The following ADGRB1 variants were observed in gnomAD, a reference collection of about 807,000 sequenced individuals.
The protein encoded by ADGRB1 is adhesion G protein-coupled receptor B1, also known as brain-specific angiogenesis inhibitor 1.
ADGRB1 carries 36 observed loss-of-function variants against 175.7 expected under a neutral mutation model. The observed-to-expected ratio is 0.20, with a 90% CI of 0.16 to 0.27. ADGRB1 has a LOEUF of 0.27. Ranked by LOEUF, ADGRB1 falls within the 10% of genes least tolerant of loss-of-function variation. The probability of loss-of-function intolerance (pLI) is 1.00; values close to 1 mark genes in which losing one functional copy is unlikely to be tolerated. For missense variants in ADGRB1, 1,731 were observed against 2,255.3 expected (o/e 0.77, Z 4.71); for synonymous variants, 1,054 against 979.4 (o/e 1.08, Z -1.42).
intron 2 of ADGRB1, among the ~76,000 whole-genome samples, chr8:142,469,266 T>C (rs1033933680): frequency 3.3e-5 from 5 of 149,864 alleles, no homozygotes; most frequent in African/African-American, 4.9e-5. Flanking sequence ...TGAATGTGTG[T>C]GCACGTGCAG....
At chr8:142,490,746 C>A in intron 16 of ADGRB1, 26 bp from the exon 17 acceptor site, 1 of 1,565,210 alleles carries the variant, frequency 6.4e-7, no homozygotes, top group Non-Finnish European at 8.7e-7. Flanking sequence ...TGCCAGGGGC[C>A]CTGACTCCTC....
intron 11 of ADGRB1, among the ~76,000 whole-genome samples, chr8:142,483,187 G>C (rs1347697265): frequency 1.8e-4 from 26 of 145,332 alleles, no homozygotes; most frequent in Admixed American, 1.8e-3. Context: ...GTCACACTGA[G>C]CCCTGACCCT....
chr8:142,536,709 G>A lies in ADGRB1; in HGVS notation c.3571-278G>A, dbSNP rs534501487. 2.6e-5 allele frequency among the ~76,000 whole-genome samples: 4 copies of A among 152,172 alleles called. No homozygotes were observed. The South Asian group carries it at 8.3e-4, about 32-fold the overall frequency. On this transcript the variant is annotated intron_variant, in intron 25 of 30. Transcript: ENST00000517894. ...GGTTCTCGCAGGCGGACTCTGGCCC[G>A]AGGGCCTGCAGCAGCTCTCGGTGGC...
chr8:142,535,705 G>A (rs1220852683), intron 25 of ADGRB1, among the ~76,000 whole-genome samples: 2 of 152,180 alleles, frequency 1.3e-5, no homozygotes, highest in Non-Finnish European at 2.9e-5. Context: ...GGTGTTCCTG[G>A]AGAGGGTACC....
chr8:142,532,474 G>T (rs1844679487), intron 24 of ADGRB1, among the ~76,000 whole-genome samples: 1 of 152,104 alleles, frequency 6.6e-6, no homozygotes, highest in Admixed American at 6.5e-5. Flanking sequence ...GGAGGGGGTG[G>T]CACTGAGCGG....
intron 24 of ADGRB1, 145 bp from the exon 25 acceptor site, chr8:142,533,150 G>T (rs1844722485): frequency 5.4e-6 from 5 of 919,594 alleles, no homozygotes; most frequent in Non-Finnish European, 6.3e-6. Flanking sequence ...CCCCAGAGAG[G>T]AAGGGCTGCT....
chr8:142,480,622 C>T (rs934502675), intron 9 of ADGRB1, among the ~76,000 whole-genome samples: 9 of 152,200 alleles, frequency 5.9e-5, no homozygotes, highest in East Asian at 1.9e-4. Context: ...CTCCCAGTGC[C>T]GCTCATTTTT....
chr8:142,469,227 A>G (rs1840458530), intron 2 of ADGRB1, among the ~76,000 whole-genome samples: 1 of 147,510 alleles, frequency 6.8e-6, no homozygotes, highest in African/African-American at 2.5e-5. Context: ...ATATCTGTGA[A>G]TGTGAATGTG....
At chr8:142,533,890 C>A (rs921902717) in intron 25 of ADGRB1, among the ~76,000 whole-genome samples, 1 of 152,248 alleles carries the variant, frequency 6.6e-6, no homozygotes, top group Non-Finnish European at 1.5e-5. Context: ...TCCCAACTAC[C>A]GCCTGGCTGG....
chr8:142,473,035 CTCACCACCTGGG>C (rs1316783310), intron 2 of ADGRB1, among the ~76,000 whole-genome samples: 1 of 152,116 alleles, frequency 6.6e-6, no homozygotes, highest in Non-Finnish European at 1.5e-5. Flanking sequence ...CTACCACATC[CTCACCACCTGGG>C]TCACCAAGGT....
At chr8:142,479,671 C>T in intron 8 of ADGRB1, 22 bp from the exon 9 acceptor site, 2 of 1,608,632 alleles carry the variant, frequency 1.2e-6, no homozygotes, top group Non-Finnish European at 1.7e-6. Context: ...TTCCTGAACC[C>T]CTGTCCCGGG....
intron 25 of ADGRB1, among the ~76,000 whole-genome samples, chr8:142,536,139 C>G (rs1030371909): frequency 7.9e-5 from 12 of 152,076 alleles, no homozygotes; most frequent in Non-Finnish European, 1.8e-4. Flanking sequence ...GGAGCCCCAG[C>G]TTGCCCTCTT....
In ADGRB1 at chr8:142,543,548, T is replaced by C. The variant is rs1845412059; in HGVS notation, c.4450-53T>C. 1 of 1,582,606 alleles carries C rather than the reference T, an allele frequency of 6.3e-7. No homozygotes were observed. Among genetic ancestry groups the C allele is most frequent in the Non-Finnish European group, 8.6e-7 (1 of 1,163,698 alleles). On this transcript the variant is annotated intron_variant, in intron 29 of 30. Coordinates refer to ENST00000517894, the MANE Select transcript of ADGRB1 (RefSeq NM_001702.3). This position sits in a 1 kb window ranked among gnomAD's most constrained non-coding sequence, Gnocchi z 4.4. The stretch of plus-strand genomic sequence containing the variant: ...CAGGGGACGGGCGGGGCAGGCAGGA[T>C]GGGCCATGCCCTCCTCCTGGCCCAG...
chr8:142,495,698 T>C (rs1587342473), intron 17 of ADGRB1, among the ~76,000 whole-genome samples: 1 of 152,114 alleles, frequency 6.6e-6, no homozygotes, highest in Non-Finnish European at 1.5e-5. Context: ...CTCTGTACTT[T>C]CCTCTTCTTG....
intron 18 of ADGRB1, among the ~76,000 whole-genome samples, chr8:142,514,398 T>C (rs1385502080): frequency 6.6e-6 from 1 of 152,120 alleles, no homozygotes; most frequent in Non-Finnish European, 1.5e-5. Context: ...GCAGCAGGCC[T>C]ACGACGGCCG....
chr8:142,521,769 C>T (rs996027470), intron 20 of ADGRB1, among the ~76,000 whole-genome samples, 196 bp from the exon 21 acceptor site: 5 of 152,204 alleles, frequency 3.3e-5, no homozygotes, highest in African/African-American at 7.2e-5. Flanking sequence ...TTTGTCCCAA[C>T]GGGGCTTAGA....
At chr8:142,476,249 G>A (rs1364324073) in intron 3 of ADGRB1, among the ~76,000 whole-genome samples, 3 of 152,230 alleles carry the variant, frequency 2.0e-5, no homozygotes, top group African/African-American at 7.2e-5. Flanking sequence ...AGGAGCCTGG[G>A]GAGGGCCCCG....
In ADGRB1 at chr8:142,471,402, C is replaced by A. The variant is rs77469512; in HGVS notation, c.785-4072C>A. 1.9e-3 allele frequency among the ~76,000 whole-genome samples: 293 copies of A among 152,360 alleles called. 4 individuals carry two copies. Among genetic ancestry groups the A allele is most frequent in the African/African-American group, 6.8e-3 (283 of 41,588 alleles). ...GGACATGGAGCTGGCAGCAGACAAC[C>A]GGGGTCGGGGCCCGGGCGGTGGGCA... On this transcript the variant is annotated intron_variant, in intron 2 of 30. Transcript: ENST00000517894.
intron 25 of ADGRB1, among the ~76,000 whole-genome samples, chr8:142,536,662 C>T (rs1253834061): frequency 6.6e-6 from 1 of 151,888 alleles, no homozygotes; most frequent in Non-Finnish European, 1.5e-5. Context: ...GGGACATCTT[C>T]GGCCCGCTGC....
Sources: gnomAD v4.1 joint callset for allele counts (sites outside exome capture counted in the v4.1 genomes callset) on GRCh38, gnomAD v4.1.1 for gene constraint, Gnocchi (gnomAD v3.1) non-coding constraint, MANE v1.5 for transcripts, NCBI Gene and HGNC (gene_info 2026-07-23, HGNC 2026-07-21) for gene names.